Variants in SYTL5 observed in about 807,000 individuals in gnomAD.
The protein encoded by SYTL5 is synaptotagmin like 5.
In SYTL5, 34 loss-of-function variants were observed where a neutral mutation model predicts 55.9. The observed-to-expected ratio is 0.61, with a 90% CI of 0.46 to 0.81. The LOEUF (loss-of-function observed/expected upper bound fraction) is 0.81, where lower values mean the gene tolerates loss of function less well. Ranked by LOEUF, SYTL5 falls within the 30% of genes least tolerant of loss-of-function variation. The pLI is 0.00. For synonymous variants in SYTL5, 221 were observed against 188.7 expected, an observed-to-expected ratio of 1.17 and a Z score of -1.40; for missense variants, 637 against 546.7, an observed-to-expected ratio of 1.17 and a Z score of -1.65.
chrX:38,001,068 G>GA, the SYTL5 span, among the ~76,000 whole-genome samples: 2 of 110,735 alleles, frequency 1.8e-5, no homozygotes. Flanking sequence ...ATTTGGGCAG[G>GA]AAAAAATGTC....
chrX:38,099,067 T>C (rs747587041), intron 9 of SYTL5, among the ~76,000 whole-genome samples: 2 of 110,632 alleles, frequency 1.8e-5, no homozygotes, highest in Non-Finnish European at 3.8e-5. Context: ...TAAAACTGGA[T>C]TATATTGAAG....
At chrX:38,093,441 A>T (rs757327530) in intron 7 of SYTL5, among the ~76,000 whole-genome samples, 2 of 111,915 alleles carry the variant, frequency 1.8e-5, no homozygotes, top group South Asian at 7.5e-4. Flanking sequence ...ACCTCAGCCC[A>T]GTTCTGGAAA....
At chrX:37,900,853 G>A in the SYTL5 span, among the ~76,000 whole-genome samples, 2 of 111,336 alleles carry the variant, frequency 1.8e-5, no homozygotes, top group Admixed American at 9.6e-5. Context: ...GTTTTTTTGT[G>A]TGTGGAGGGG....
chrX:38,052,373 T>C (rs762397562), intron 2 of SYTL5, among the ~76,000 whole-genome samples: 175 of 112,232 alleles, frequency 1.6e-3, no homozygotes, highest in African/African-American at 5.3e-3. Flanking sequence ...CTCATTTTTT[T>C]CCTCAATACC....
chrX:38,119,767 C>A (rs1177680041), intron 13 of SYTL5, among the ~76,000 whole-genome samples: 1 of 112,318 alleles, frequency 8.9e-6, no homozygotes, highest in Non-Finnish European at 1.9e-5. Context: ...AACTGTTTTC[C>A]AGAGTGACTC....
intron 7 of SYTL5, among the ~76,000 whole-genome samples, chrX:38,093,967 A>G (rs1212780300): frequency 9.0e-6 from 1 of 111,352 alleles, no homozygotes; most frequent in Non-Finnish European, 1.9e-5. Flanking sequence ...ACAGATTATT[A>G]TACATCCCTC....
the SYTL5 span, among the ~76,000 whole-genome samples, chrX:37,894,881 C>T: frequency 9.0e-6 from 1 of 111,005 alleles, no homozygotes; most frequent in Non-Finnish European, 1.9e-5. Flanking sequence ...CTTGTGTCTG[C>T]ATCACTACTC....
the SYTL5 span, among the ~76,000 whole-genome samples, chrX:37,954,519 A>G: frequency 1.8e-5 from 2 of 111,852 alleles, no homozygotes; most frequent in Non-Finnish European, 3.8e-5. Context: ...AAGCAAGAAC[A>G]AGAAGGGAAC....
At chrX:37,934,926 G>A in the SYTL5 span, among the ~76,000 whole-genome samples, 2 of 111,805 alleles carry the variant, frequency 1.8e-5, no homozygotes, top group East Asian at 5.6e-4. Flanking sequence ...GAGCCACAGC[G>A]CCTGGCCGAA....
intron 2 of SYTL5, among the ~76,000 whole-genome samples, chrX:38,045,765 A>G (rs1935443373): frequency 8.9e-6 from 1 of 112,239 alleles, no homozygotes; most frequent in Non-Finnish European, 1.9e-5. Flanking sequence ...ATTCTTTTTA[A>G]TAGCCTTTGA....
At chrX:37,914,555 G>A in the SYTL5 span, among the ~76,000 whole-genome samples, 2 of 111,311 alleles carry the variant, frequency 1.8e-5, no homozygotes, top group Admixed American at 1.9e-4. Flanking sequence ...AAAACAAGGT[G>A]AACCCAAAAT....
intron 8 of SYTL5, among the ~76,000 whole-genome samples, chrX:38,094,980 T>A (rs926194937): frequency 1.2e-4 from 14 of 112,063 alleles, no homozygotes; most frequent in African/African-American, 4.5e-4. Context: ...TTTGAAATGT[T>A]AATAGCTATG....
chrX:38,041,946 T>A (rs181092754), intron 2 of SYTL5, among the ~76,000 whole-genome samples: 20 of 111,413 alleles, frequency 1.8e-4, no homozygotes, highest in African/African-American at 6.5e-4. Context: ...TCCATCACCT[T>A]AAGTATTTAT....
the SYTL5 span, among the ~76,000 whole-genome samples, chrX:37,911,159 A>T: frequency 9.2e-6 from 1 of 108,441 alleles, no homozygotes; most frequent in East Asian, 2.9e-4. Context: ...TTTAGGAGAG[A>T]CGAGGTTTCA....
the SYTL5 span, among the ~76,000 whole-genome samples, chrX:37,948,720 C>G: frequency 9.0e-6 from 1 of 111,284 alleles, no homozygotes; most frequent in Non-Finnish European, 1.9e-5. Flanking sequence ...GCTTATGTCA[C>G]TTAACATAAT....
chrX:37,897,983 AGC>A, the SYTL5 span, among the ~76,000 whole-genome samples: 1 of 111,516 alleles, frequency 9.0e-6, no homozygotes, highest in African/African-American at 3.3e-5. Flanking sequence ...CCGTAATCTC[AGC>A]TACTCAGGAG....
At chrX:37,924,854 A>G in the SYTL5 span, among the ~76,000 whole-genome samples, 2 of 111,501 alleles carry the variant, frequency 1.8e-5, no homozygotes, top group Non-Finnish European at 3.8e-5. Flanking sequence ...CACCTAAACT[A>G]TTTATCTTTT....
intron 10 of SYTL5, among the ~76,000 whole-genome samples, chrX:38,104,273 C>T (rs961479825): frequency 9.0e-6 from 1 of 111,567 alleles, no homozygotes; most frequent in Non-Finnish European, 1.9e-5. Context: ...TCTGTGATTC[C>T]CCTGTGAGTT....
At chrX:38,060,221 A>G (rs1935906270) in intron 3 of SYTL5, among the ~76,000 whole-genome samples, 1 of 112,077 alleles carries the variant, frequency 8.9e-6, no homozygotes, top group South Asian at 3.7e-4. Flanking sequence ...GATGATAACT[A>G]GAGGCCTAAG....
Sources: gnomAD v4.1 joint callset for allele counts (sites outside exome capture counted in the v4.1 genomes callset) on GRCh38, gnomAD v4.1.1 for gene constraint, MANE v1.5 for transcripts, NCBI Gene and HGNC (gene_info 2026-07-23, HGNC 2026-07-21) for gene names.